PDE10A: variants seen among roughly 807,000 people sequenced by gnomAD.
PDE10A encodes cAMP and cAMP-inhibited cGMP 3',5'-cyclic phosphodiesterase 10A.
Under a neutral mutation model 97.7 loss-of-function variants are expected in PDE10A, and 39 were observed. The observed-to-expected ratio is 0.40, with a 90% confidence interval of 0.31 to 0.52. PDE10A has a LOEUF of 0.52. Ranked by LOEUF, PDE10A falls within the 20% of genes least tolerant of loss-of-function variation. The pLI is 0.56. For synonymous variants in PDE10A, 371 were observed against 376.8 expected, an observed-to-expected ratio of 0.98 and a Z score of 0.18; for missense variants, 731 against 1,047.8, an observed-to-expected ratio of 0.70 and a Z score of 4.17.
intron 1 of PDE10A, among the ~76,000 whole-genome samples, chr6:165,859,137 G>T (rs941242304): frequency 6.6e-6 from 1 of 152,150 alleles, no homozygotes; most frequent in Admixed American, 6.5e-5. Flanking sequence ...TTAATTTTAT[G>T]TGTGTTTCTG....
At chr6:165,884,265 G>A (rs753340343) in intron 1 of PDE10A, among the ~76,000 whole-genome samples, 1 of 152,198 alleles carries the variant, frequency 6.6e-6, no homozygotes, top group Non-Finnish European at 1.5e-5. Context: ...AAAGTTTAGA[G>A]GCACACATTT....
chr6:165,765,632 G>A (rs1456408771), intron 1 of PDE10A, among the ~76,000 whole-genome samples: 3 of 152,180 alleles, frequency 2.0e-5, no homozygotes, highest in Non-Finnish European at 2.9e-5. Context: ...GCCCGCAAGC[G>A]CCACATGCAG....
intron 1 of PDE10A, among the ~76,000 whole-genome samples, chr6:165,691,173 C>CAT (rs1791277000): frequency 2.7e-5 from 1 of 36,412 alleles, no homozygotes; most frequent in Non-Finnish European, 6.6e-5. Context: ...CTCTTTCTTT[C>CAT]TCTCTCTCTC....
intron 1 of PDE10A, among the ~76,000 whole-genome samples, chr6:165,867,986 G>A (rs1431128093): frequency 2.0e-5 from 3 of 151,936 alleles, no homozygotes; most frequent in African/African-American, 7.2e-5. Context: ...AATGAAAATG[G>A]AAACAGAATA....
chr6:165,454,415 G>A (rs552612706), intron 3 of PDE10A, among the ~76,000 whole-genome samples: 5 of 152,292 alleles, frequency 3.3e-5, no homozygotes, highest in East Asian at 1.9e-4. Context: ...CAAAGTTTGC[G>A]TTAAAAATTT....
chr6:165,902,119 C>A (rs6937183), intron 1 of PDE10A, among the ~76,000 whole-genome samples: 14,349 of 152,186 alleles, frequency 0.094, 847 homozygotes, highest in African/African-American at 0.16. Flanking sequence ...CAATCTATAC[C>A]TAGGACTGCA....
intron 1 of PDE10A, among the ~76,000 whole-genome samples, chr6:165,599,982 C>T (rs1194241322): frequency 6.6e-6 from 1 of 152,184 alleles, no homozygotes; most frequent in East Asian, 1.9e-4. Context: ...CAACTGCCCT[C>T]CCAACAGATT....
intron 1 of PDE10A, among the ~76,000 whole-genome samples, chr6:165,870,074 TAAC>T (rs1781158216): frequency 6.6e-6 from 1 of 151,878 alleles, no homozygotes; most frequent in African/African-American, 2.4e-5. Context: ...AAACCACAGA[TAAC>T]AACAACAAAA....
At chr6:165,608,523 T>G (rs536069386) in intron 1 of PDE10A, among the ~76,000 whole-genome samples, 3 of 152,280 alleles carry the variant, frequency 2.0e-5, no homozygotes, top group East Asian at 3.9e-4. Flanking sequence ...GTTGGACATT[T>G]GGGTTGGTTC....
chr6:165,904,271 G>C (rs1191487667), intron 1 of PDE10A, among the ~76,000 whole-genome samples: 1 of 152,190 alleles, frequency 6.6e-6, no homozygotes, highest in East Asian at 1.9e-4. Flanking sequence ...GGGCTGGTCT[G>C]TGTTGGGGTG....
chr6:165,433,110 C>T lies in PDE10A; in HGVS notation c.1355G>A (p.Gly452Asp), dbSNP rs368342881. The change falls in exon 7 of 22, where the codon GGT becomes GAT. Residue 452 changes from glycine (G) to aspartate (D), a missense_variant. Physicochemically the swap from Gly to Asp is moderately conservative, Grantham distance 94 (BLOSUM62 -1). Around this residue, in one of 8 missense-constraint regions of PDE10A, gnomAD observed 152 missense variants for 199.3 expected, o/e 0.76. Transcript: ENST00000539869. ...DILGDERFPR[G>D]TGLESGTRIQ... Reference sequence around the variant, plus strand: ...ACGAGTCCCTGATTCCAGTCCAGTACCTCTTGGAAATCGTTCATCCTGAAA... The same window carrying T: ...ACGAGTCCCTGATTCCAGTCCAGTATCTCTTGGAAATCGTTCATCCTGAAA... 1 of 1,610,228 alleles carries T rather than the reference C, an allele frequency of 6.2e-7. No individual in the cohort carries two copies. The highest frequency in any genetic ancestry group is 1.3e-5 in the African/African-American group (1 of 74,862).
At chr6:165,724,719 A>C (rs904047478) in intron 1 of PDE10A, among the ~76,000 whole-genome samples, 2 of 152,358 alleles carry the variant, frequency 1.3e-5, no homozygotes, top group Non-Finnish European at 2.9e-5. Context: ...AATGAGGTTT[A>C]CTTATATGAT....
chr6:165,714,393 A>C (rs574216546), intron 1 of PDE10A, among the ~76,000 whole-genome samples: 1 of 152,258 alleles, frequency 6.6e-6, no homozygotes, highest in East Asian at 1.9e-4. Flanking sequence ...GATCATGTAC[A>C]CTCTGTCACA....
At chr6:165,724,409 C>T (rs746194956) in intron 1 of PDE10A, among the ~76,000 whole-genome samples, 11 of 152,150 alleles carry the variant, frequency 7.2e-5, no homozygotes, top group Non-Finnish European at 1.2e-4. Flanking sequence ...ATTAAATTAT[C>T]GCTTCTATTT....
At chr6:165,367,771 C>T (rs975590746) in intron 18 of PDE10A, among the ~76,000 whole-genome samples, 11 of 149,152 alleles carry the variant, frequency 7.4e-5, no homozygotes, top group African/African-American at 1.7e-4. Flanking sequence ...CTTTAAAAAG[C>T]GAAGCCACAA....
intron 1 of PDE10A, among the ~76,000 whole-genome samples, chr6:165,580,643 A>C (rs1471703402): frequency 6.6e-6 from 1 of 152,228 alleles, no homozygotes; most frequent in African/African-American, 2.4e-5. Flanking sequence ...GAATATGGAG[A>C]GAGTGGTGAA....
At chr6:165,683,409 C>G (rs1791029705) in intron 1 of PDE10A, among the ~76,000 whole-genome samples, 1 of 152,032 alleles carries the variant, frequency 6.6e-6, no homozygotes, top group African/African-American at 2.4e-5. Flanking sequence ...GACACATACA[C>G]AGATGCTCAA....
chr6:165,333,349 C>T (rs915055163), intron 21 of PDE10A, among the ~76,000 whole-genome samples: 5 of 152,120 alleles, frequency 3.3e-5, no homozygotes, highest in East Asian at 1.9e-4. Flanking sequence ...TTGGTCCATC[C>T]GCTCTGGACC....
In PDE10A at chr6:165,662,796, C is replaced by T. The variant is rs1790355472; in HGVS notation, c.16G>A (p.Glu6Lys). 6.7e-6 allele frequency among the ~76,000 whole-genome samples: 1 copy of T among 149,594 alleles called. No homozygotes were observed. The highest frequency in any genetic ancestry group is 2.1e-4 in the South Asian group (1 of 4,786). The change falls in exon 1 of 22, where the codon GAG becomes AAG. Residue 6 changes from glutamate to lysine, a missense_variant. Coordinates refer to ENST00000539869, the MANE Select transcript of PDE10A (RefSeq NM_001385079.1). ...CCCTGGGGGCGGGGAGCAAGAGGCT[C>T]CTCGAGGCTGGCCATGGTTCCTCCC... is the stretch of plus-strand genomic sequence containing the variant. MASLE[E>K]PLAPRPQGPL...
Sources: gnomAD v4.1 joint callset for allele counts (sites outside exome capture counted in the v4.1 genomes callset) on GRCh38, gnomAD v4.1.1 for gene constraint, gnomAD v4.1.1 regional missense constraint, MANE v1.5 for transcripts, NCBI Gene and HGNC (gene_info 2026-07-23, HGNC 2026-07-21) for gene names.